Variants in GPAM observed in about 807,000 individuals in gnomAD.
The protein encoded by GPAM is glycerol-3-phosphate acyltransferase 1, mitochondrial.
In GPAM, 56 loss-of-function variants were observed where a neutral mutation model predicts 105.0. The observed-to-expected ratio is 0.53, with a 90% CI of 0.43 to 0.67. The LOEUF is 0.67. Among genes scored for constraint, GPAM ranks in the 30% least tolerant of loss-of-function variants. The pLI is 0.00. For synonymous variants in GPAM, 368 were observed against 354.4 expected (o/e 1.04, Z -0.43); for missense variants, 855 against 989.8 (o/e 0.86, Z 1.83).
At chr10:112,170,318 A>C (rs1248011107) in intron 9 of GPAM, among the ~76,000 whole-genome samples, 1 of 152,164 alleles carries the variant, frequency 6.6e-6, no homozygotes, top group East Asian at 1.9e-4. Context: ...AACACCTGAG[A>C]AGTGGTTTGT....
At chr10:112,165,067 T>C (rs1261885562) in intron 12 of GPAM, among the ~76,000 whole-genome samples, 1 of 151,910 alleles carries the variant, frequency 6.6e-6, no homozygotes, top group Non-Finnish European at 1.5e-5. Flanking sequence ...AGAAAGAAAG[T>C]GGCAAGAAAT....
upstream of GPAM, among the ~76,000 whole-genome samples, chr10:112,219,612 T>C (rs2133314940): frequency 6.6e-6 from 1 of 152,368 alleles, no homozygotes. Flanking sequence ...GTTCTTAAAT[T>C]CATTTTCTTT....
the GPAM span, among the ~76,000 whole-genome samples, chr10:112,224,791 G>T: frequency 1.3e-5 from 2 of 152,000 alleles, no homozygotes; most frequent in African/African-American, 4.8e-5. Flanking sequence ...ATGAATCTTT[G>T]CCATTTGGAA....
chr10:112,164,929 T>A (rs2133240441), intron 12 of GPAM, among the ~76,000 whole-genome samples: 1 of 152,276 alleles, frequency 6.6e-6, no homozygotes, highest in African/African-American at 2.4e-5. Flanking sequence ...TCATTAATAG[T>A]GATGATAGAC....
rs1027605817 is a variant in GPAM at position 112,202,500 on chromosome 10, T to G, written n.210+12668A>C. ...AGTTTAAAAAGGCAAAATAGGAAAT[T>G]GAGTTCTAATAGGAATTATGACTCC... On this transcript the variant is annotated intron_variant and non_coding_transcript_variant, in intron 1 of 3. Coordinates refer to the GPAM transcript ENST00000480130. Among the ~76,000 whole-genome samples, 3 of 152,222 alleles carry G rather than the reference T, an allele frequency of 2.0e-5. No individual in the cohort carries two copies. The East Asian group carries it at 5.8e-4, about 29-fold the overall frequency.
intron 1 of GPAM, among the ~76,000 whole-genome samples, chr10:112,193,748 T>C (rs1033979357): frequency 2.0e-5 from 3 of 152,204 alleles, no homozygotes; most frequent in Non-Finnish European, 4.4e-5. Context: ...CTGAAAACAT[T>C]ATGATAATTG....
intron 17 of GPAM, among the ~76,000 whole-genome samples, chr10:112,159,704 G>T (rs1847086899): frequency 6.6e-6 from 1 of 152,204 alleles, no homozygotes; most frequent in Non-Finnish European, 1.5e-5. Flanking sequence ...GCTCATAGCT[G>T]CAGGATAGAT....
At chr10:112,208,046 C>G (rs1847870645) in intron 1 of GPAM, among the ~76,000 whole-genome samples, 1 of 152,186 alleles carries the variant, frequency 6.6e-6, no homozygotes, top group Non-Finnish European at 1.5e-5. Context: ...TTGTATCTGT[C>G]AAGCTTGTGA....
intron 8 of GPAM, 26 bp downstream of exon 8, chr10:112,172,944 G>C (rs773404753): frequency 5.1e-6 from 6 of 1,182,660 alleles, no homozygotes; most frequent in Admixed American, 1.7e-5. Flanking sequence ...GGGAAAATGG[G>C]GTAATAGATT....
intron 1 of GPAM, among the ~76,000 whole-genome samples, chr10:112,200,255 AG>A (rs1564689852): frequency 2.7e-5 from 4 of 148,044 alleles, no homozygotes; most frequent in African/African-American, 7.4e-5. Context: ...AGAGAGAGAG[AG>A]AGAGAGAGAG....
rs1311044692 is a variant in GPAM at position 112,200,225 on chromosome 10, A to ATG, written n.210+14941_210+14942dup. ...ATATATATATTTCAGTCCACACTAT[A>ATG]TGTATATATATATATATATAGAGAG... On this transcript the variant is annotated intron_variant and non_coding_transcript_variant, in intron 1 of 3. Transcript: ENST00000480130. 6.7e-4 allele frequency among the ~76,000 whole-genome samples: 78 copies of ATG among 115,802 alleles called. 1 individual carries two copies. The highest frequency in any genetic ancestry group is 3.9e-3 in the Middle Eastern group (1 of 254). The allele number at this position is 115,802 out of a possible 152,430, so 76.0% of individuals were successfully genotyped here.
At chr10:112,159,785 C>A in intron 17 of GPAM, 126 bp downstream of exon 17, 1 of 937,184 alleles carries the variant, frequency 1.1e-6, no homozygotes, top group South Asian at 1.4e-5. Flanking sequence ...TCACTGAAAT[C>A]CAGGAGTGGA....
chr10:112,210,151 G>A (rs906866347), intron 1 of GPAM, among the ~76,000 whole-genome samples: 1 of 152,218 alleles, frequency 6.6e-6, no homozygotes, highest in African/African-American at 2.4e-5. Context: ...TGAAGTTCTG[G>A]GAACTGAAGG....
At position 112,151,850 on chromosome 10, in the gene GPAM, G is replaced by A. The variant is rs1846925997; in HGVS notation, c.*1700C>T. 1 of 985,006 alleles carries A rather than the reference G, an allele frequency of 1.0e-6. No individual in the cohort carries two copies. Among genetic ancestry groups the A allele is most frequent in the Non-Finnish European group, 1.2e-6 (1 of 829,560 alleles). 61.0% of individuals were successfully genotyped at this position (985,006 alleles called of 1,614,324 possible). On this transcript the variant is annotated 3_prime_UTR_variant, in exon 22 of 22. Coordinates refer to ENST00000348367, the MANE Select transcript of GPAM (RefSeq NM_001244949.2). The stretch of plus-strand genomic sequence containing the variant: ...GAAAAGTGTTCTTCTACCCTAGTCA[G>A]TAAAATGGAATGCTAAAACATGATA...
At chr10:112,186,682 G>T (rs1400458182), upstream of GPAM, among the ~76,000 whole-genome samples, 1 of 151,696 alleles carries the variant, frequency 6.6e-6, no homozygotes, top group African/African-American at 2.4e-5. Flanking sequence ...GAGTAGCTGG[G>T]ATTACAGGCA....
At chr10:112,173,353 G>A (rs886855076) in intron 7 of GPAM, among the ~76,000 whole-genome samples, 9 of 152,102 alleles carry the variant, frequency 5.9e-5, no homozygotes, top group African/African-American at 9.7e-5. Context: ...TGACCAAGGC[G>A]AATGAATATT....
rs749174355 is a variant in GPAM, at chr10:112,160,055, TAAGAA to T, written c.1760-7_1760-3del. On this transcript the variant is annotated splice_region_variant and splice_polypyrimidine_tract_variant and intron_variant, in intron 16 of 21. Coordinates refer to ENST00000348367, the MANE Select transcript of GPAM (RefSeq NM_001244949.2). ...TCAGAACTGCATAAAGGCTGCAAGCTAAGAAAAGAAAAGCAACAATGAAGTTGCCA... is the reference window on the plus strand; with the variant it reads ...TCAGAACTGCATAAAGGCTGCAAGCTAAGAAAAGCAACAATGAAGTTGCCA... The T allele has an allele frequency of 8.7e-6, 14 of 1,613,868 alleles. No individual in the cohort carries two copies. The highest frequency in any genetic ancestry group is 1.6e-4 in the Middle Eastern group (1 of 6,082).
chr10:112,210,527 C>T (rs1018868589), intron 1 of GPAM, among the ~76,000 whole-genome samples: 4 of 152,310 alleles, frequency 2.6e-5, no homozygotes, highest in South Asian at 2.1e-4. Context: ...GGATAACAGA[C>T]AGCTGAAGGC....
At chr10:112,224,846 G>A in the GPAM span, among the ~76,000 whole-genome samples, 40 of 152,088 alleles carry the variant, frequency 2.6e-4, no homozygotes, top group Non-Finnish European at 5.1e-4. Context: ...TGGAGCTCTC[G>A]GCAGGAAAAA....
Sources: allele counts gnomAD v4.1 joint callset (sites outside exome capture counted in the v4.1 genomes callset), GRCh38; gene constraint gnomAD v4.1.1; transcripts MANE v1.5; gene names NCBI Gene and HGNC (gene_info 2026-07-23, HGNC 2026-07-21).